PABPC4L: variants seen among roughly 807,000 people sequenced by gnomAD.
The protein encoded by PABPC4L is polyadenylate-binding protein 4-like.
For missense variants in PABPC4L, 452 were observed against 451.4 expected, an observed-to-expected ratio of 1.00 and a Z score of -0.01; for synonymous variants, 169 against 164.1, an observed-to-expected ratio of 1.03 and a Z score of -0.23.
chr4:134,112,610 CTATCTATA>C, the PABPC4L span, among the ~76,000 whole-genome samples: 333 of 139,716 alleles, frequency 2.4e-3, no homozygotes, highest in African/African-American at 5.4e-3. Flanking sequence ...ATCTATCTAT[CTATCTATA>C]TATCTATCTA....
the PABPC4L span, among the ~76,000 whole-genome samples, chr4:134,111,945 A>G: frequency 6.6e-6 from 1 of 152,034 alleles, no homozygotes; most frequent in Non-Finnish European, 1.5e-5. Flanking sequence ...ATAATTAGGA[A>G]AAGGTAACCA....
the PABPC4L span, among the ~76,000 whole-genome samples, chr4:134,002,748 A>C: frequency 6.6e-6 from 1 of 152,032 alleles, no homozygotes; most frequent in Non-Finnish European, 1.5e-5. Flanking sequence ...AAGAATTATT[A>C]GTGCAATTAC....
At chr4:134,044,991 T>C in the PABPC4L span, among the ~76,000 whole-genome samples, 1 of 152,200 alleles carries the variant, frequency 6.6e-6, no homozygotes, top group African/African-American at 2.4e-5. Context: ...ATATTCAGTA[T>C]GTTAATGGCT....
Position 134,200,227 on chromosome 4 carries a change from C to G in PABPC4L, c.793G>C (p.Ala265Pro). Residue 265 changes from alanine (A) to proline (P), a missense_variant, in exon 2 of 2, where the codon GCT becomes CCT. Physicochemically the swap from Ala to Pro is conservative, Grantham distance 27. Transcript: ENST00000421491. ...GCCTGTCGCTCGACTTTCTTTTGAG[C>G]CCGGCCTACAAAAATCAGCTGCCCA... Reference protein sequence around the residue: ...INGQLIFVGRAQKKVERQAEL... With the variant: ...INGQLIFVGRPQKKVERQAEL... 1.3e-6 allele frequency: 2 copies of G among 1,551,996 alleles called. No individual in the cohort carries two copies. Among genetic ancestry groups the G allele is most frequent in the Non-Finnish European group, 1.7e-6 (2 of 1,147,158 alleles).
At chr4:134,117,153 T>C in the PABPC4L span, among the ~76,000 whole-genome samples, 1 of 151,822 alleles carries the variant, frequency 6.6e-6, no homozygotes, top group African/African-American at 2.4e-5. Context: ...TCCCATTCCA[T>C]ATTTTCATCT....
chr4:134,111,426 A>G, the PABPC4L span, among the ~76,000 whole-genome samples: 1 of 151,808 alleles, frequency 6.6e-6, no homozygotes, highest in Non-Finnish European at 1.5e-5. Context: ...ATATAGCTAG[A>G]TATAGATAGA....
the PABPC4L span, among the ~76,000 whole-genome samples, chr4:133,999,735 T>C: frequency 2.0e-5 from 3 of 151,988 alleles, no homozygotes; most frequent in African/African-American, 7.2e-5. Context: ...TCTTACTATG[T>C]TTCATTAAAA....
the PABPC4L span, among the ~76,000 whole-genome samples, chr4:134,087,574 T>C: frequency 1.3e-5 from 2 of 152,188 alleles, no homozygotes; most frequent in African/African-American, 2.4e-5. Context: ...ATGCAGTCTC[T>C]GGAGGGAGTC....
At chr4:134,045,283 A>G in the PABPC4L span, among the ~76,000 whole-genome samples, 1 of 152,194 alleles carries the variant, frequency 6.6e-6, no homozygotes, top group Admixed American at 6.6e-5. Context: ...TTTACAAAAC[A>G]TGATCACATT....
chr4:134,141,879 T>G, the PABPC4L span, among the ~76,000 whole-genome samples: 1 of 151,588 alleles, frequency 6.6e-6, no homozygotes, highest in Non-Finnish European at 1.5e-5. Context: ...GATAGACACA[T>G]AAAAAAATCT....
the PABPC4L span, among the ~76,000 whole-genome samples, chr4:134,115,926 A>T: frequency 6.6e-6 from 1 of 151,916 alleles, no homozygotes; most frequent in Non-Finnish European, 1.5e-5. Context: ...AGTAAATATT[A>T]TTTGTATAAA....
At chr4:133,977,514 A>AT in the PABPC4L span, among the ~76,000 whole-genome samples, 1 of 152,018 alleles carries the variant, frequency 6.6e-6, no homozygotes, top group African/African-American at 2.4e-5. Flanking sequence ...CAGTATGGCC[A>AT]TTTTTTTGAT....
the PABPC4L span, among the ~76,000 whole-genome samples, chr4:133,965,189 A>G: frequency 6.6e-6 from 1 of 152,122 alleles, no homozygotes; most frequent in African/African-American, 2.4e-5. Context: ...CCAAGCAGCA[A>G]ATTAAATCAA....
chr4:133,981,162 G>GAA, the PABPC4L span, among the ~76,000 whole-genome samples: 125 of 145,586 alleles, frequency 8.6e-4, 1 homozygote, highest in African/African-American at 2.7e-3. Context: ...CTCCACTGGG[G>GAA]AAAAAAAAAA....
At chr4:134,129,893 C>G in the PABPC4L span, among the ~76,000 whole-genome samples, 139 of 151,812 alleles carry the variant, frequency 9.2e-4, no homozygotes, top group African/African-American at 3.0e-3. Context: ...CATGGTGAAA[C>G]TTCGTCTCTA....
downstream of PABPC4L, among the ~76,000 whole-genome samples, chr4:134,196,065 AG>A (rs893262348): frequency 4.2e-4 from 64 of 151,520 alleles, 1 homozygote; most frequent in Admixed American, 2.6e-4. Flanking sequence ...TTGACAGGTT[AG>A]TTGAATTTAA....
chr4:134,042,627 C>T, the PABPC4L span, among the ~76,000 whole-genome samples: 1 of 152,122 alleles, frequency 6.6e-6, no homozygotes, highest in South Asian at 2.1e-4. Context: ...TTTGCCATAA[C>T]AACAAACTTG....
the PABPC4L span, among the ~76,000 whole-genome samples, chr4:134,081,811 C>T: frequency 6.6e-6 from 1 of 152,144 alleles, no homozygotes; most frequent in South Asian, 2.1e-4. Flanking sequence ...ACAGTTCTGA[C>T]TCCCATTAAG....
Position 134,201,015 on chromosome 4 carries a change from TTCATC to T in PABPC4L, c.-1_4del. ...GGCCATGCGGTACTTGGCTGCTACA[TTCATC>T]TCCTTGTCCTTGCCACTGTGAGTTT... is the stretch of plus-strand genomic sequence containing the variant. On this transcript the variant is annotated start_lost and 5_prime_UTR_variant, in exon 2 of 2. Transcript: ENST00000421491. The T allele has an allele frequency of 6.4e-7, 1 of 1,551,824 alleles. No individual in the cohort carries two copies. The highest frequency in any genetic ancestry group is 2.4e-5 in the East Asian group (1 of 40,900).
Sources: gnomAD v4.1 joint callset for allele counts (sites outside exome capture counted in the v4.1 genomes callset) on GRCh38, gnomAD v4.1.1 for gene constraint, MANE v1.5 for transcripts, NCBI Gene and HGNC (gene_info 2026-07-23, HGNC 2026-07-21) for gene names.